PALS2: variants seen among roughly 807,000 people sequenced by gnomAD.
The protein encoded by PALS2 is protein associated with LIN7 2, MAGUK p55 family member.
PALS2 carries 27 observed loss-of-function variants against 61.6 expected under a neutral mutation model. The observed-to-expected ratio is 0.44, with a 90% confidence interval of 0.32 to 0.60. The LOEUF is 0.60. PALS2 is among the 20% of genes least tolerant of loss of function. The pLI, the probability that PALS2 is intolerant of heterozygous loss-of-function variation, is 0.05. For synonymous variants in PALS2, 236 were observed against 218.6 expected, an observed-to-expected ratio of 1.08 and a Z score of -0.70; for missense variants, 554 against 639.4, an observed-to-expected ratio of 0.87 and a Z score of 1.44.
At position 24,605,633 on chromosome 7, in the gene PALS2, G is replaced by T. The variant is rs141226042; in HGVS notation, c.-2-18033G>T. Among the ~76,000 whole-genome samples the T allele has an allele frequency of 2.7e-4, 41 of 152,056 alleles. No homozygotes were observed. The East Asian group carries it at 7.2e-3, about 27-fold the overall frequency. The stretch of plus-strand genomic sequence containing the variant: ...AGGTCTATAAAGACATAAAGAATAG[G>T]TCTATAAACACATAAAAACAAAGTA... On this transcript the variant is annotated intron_variant, in intron 1 of 11. Transcript: ENST00000222644.
intron 9 of PALS2, among the ~76,000 whole-genome samples, chr7:24,669,533 T>C (rs1787194763): frequency 6.6e-6 from 1 of 152,250 alleles, no homozygotes; most frequent in African/African-American, 2.4e-5. Context: ...GCTGTGCTTC[T>C]ATTTCTGACC....
At chr7:24,578,103 G>A (rs1172611040) in intron 1 of PALS2, among the ~76,000 whole-genome samples, 1 of 151,532 alleles carries the variant, frequency 6.6e-6, no homozygotes, top group Non-Finnish European at 1.5e-5. Flanking sequence ...CTACCATGCC[G>A]AGCTAATTAA....
intron 2 of PALS2, among the ~76,000 whole-genome samples, chr7:24,625,534 A>G (rs1784703145): frequency 6.6e-6 from 1 of 152,224 alleles, no homozygotes; most frequent in Non-Finnish European, 1.5e-5. Context: ...GATGAGGTTT[A>G]GGCCATGTGT....
Position 24,616,518 on chromosome 7 carries a change from CTT to C in PALS2, c.-2-7143_-2-7142del, listed in dbSNP as rs201976772. On this transcript the variant is annotated intron_variant, in intron 1 of 11. Transcript: ENST00000222644. ...TTTGGTTTTCATTTACATGGAATAT[CTT>C]TTTTCATCTCTTTGCTTTCCCTCTG... 3.1e-3 allele frequency among the ~76,000 whole-genome samples: 468 copies of C among 152,150 alleles called. 7 individuals carry two copies. The East Asian group carries it at 0.033, about 11-fold the overall frequency.
chr7:24,650,829 G>A (rs1786107559), intron 5 of PALS2, 117 bp downstream of exon 5: 1 of 748,294 alleles, frequency 1.3e-6, no homozygotes, highest in African/African-American at 1.8e-5. Context: ...ATTGATTTGA[G>A]TGTTCTGAAA....
intron 1 of PALS2, among the ~76,000 whole-genome samples, chr7:24,597,703 A>G (rs778766522): frequency 3.9e-5 from 6 of 152,182 alleles, no homozygotes; most frequent in Non-Finnish European, 7.3e-5. Context: ...GAGGAAGGGC[A>G]TACTTTCTCC....
chr7:24,658,094 G>A (rs1678883238), intron 5 of PALS2, among the ~76,000 whole-genome samples: 1 of 152,246 alleles, frequency 6.6e-6, no homozygotes, highest in East Asian at 1.9e-4. Context: ...ATGGGTCACT[G>A]ATTAGTTCAT....
chr7:24,606,298 A>G lies in PALS2; in HGVS notation c.-2-17368A>G, dbSNP rs7797760. Among the ~76,000 whole-genome samples, 234 of 152,296 alleles carry G rather than the reference A, an allele frequency of 1.5e-3. 1 individual carries two copies. Among genetic ancestry groups the G allele is most frequent in the African/African-American group, 5.3e-3 (221 of 41,568 alleles). ...CTAATTACAACCTTCATAGATTGTA[A>G]AAAGGAAACAGACTCCAAGACACTG... On this transcript the variant is annotated intron_variant, in intron 1 of 11. Coordinates refer to ENST00000222644, the MANE Select transcript of PALS2 (RefSeq NM_001303037.2).
At chr7:24,668,421 A>G (rs1207980021) in intron 8 of PALS2, 78 bp from the exon 9 acceptor site, 3 of 1,346,864 alleles carry the variant, frequency 2.2e-6, no homozygotes, top group Non-Finnish European at 3.1e-6. Flanking sequence ...CAGCTAAGCC[A>G]TTACTAGACA....
intron 5 of PALS2, among the ~76,000 whole-genome samples, chr7:24,660,860 A>G (rs1699095398): frequency 6.6e-6 from 1 of 152,210 alleles, no homozygotes; most frequent in African/African-American, 2.4e-5. Flanking sequence ...CTATTAACCC[A>G]CAGTTCTTTT....
At chr7:24,672,100 A>G (rs62449814) in intron 9 of PALS2, among the ~76,000 whole-genome samples, 93 of 150,464 alleles carry the variant, frequency 6.2e-4, no homozygotes, top group Non-Finnish European at 1.1e-3. Flanking sequence ...AAGAGGGATT[A>G]TATTGAATTC....
At chr7:24,611,261 A>G (rs1373930421) in intron 1 of PALS2, among the ~76,000 whole-genome samples, 1 of 152,108 alleles carries the variant, frequency 6.6e-6, no homozygotes, top group Non-Finnish European at 1.5e-5. Context: ...AGGAAGTATT[A>G]CCGTAAAAGC....
chr7:24,669,461 A>G (rs1474301056), intron 9 of PALS2, among the ~76,000 whole-genome samples: 2 of 152,208 alleles, frequency 1.3e-5, no homozygotes, highest in South Asian at 2.1e-4. Flanking sequence ...TTACTTGTGA[A>G]CTTAGATGTT....
chr7:24,579,766 A>G (rs1305144462), intron 1 of PALS2, among the ~76,000 whole-genome samples: 1 of 152,228 alleles, frequency 6.6e-6, no homozygotes, highest in Non-Finnish European at 1.5e-5. Context: ...AATCTTTTAT[A>G]AAAAGTGATT....
Position 24,578,838 on chromosome 7 carries a change from G to A in PALS2, c.-3+5245G>A, listed in dbSNP as rs566043063. The stretch of plus-strand genomic sequence containing the variant: ...CTTATTCATCTGCTGCAAAACACTC[G>A]TCTCTCCTCTTTTTAAATTTGATCT... On this transcript the variant is annotated intron_variant, in intron 1 of 11. Coordinates refer to ENST00000222644, the MANE Select transcript of PALS2 (RefSeq NM_001303037.2). 5.9e-5 allele frequency among the ~76,000 whole-genome samples: 9 copies of A among 152,232 alleles called. No individual in the cohort carries two copies. In the South Asian group the frequency reaches 1.9e-3, roughly 32 times the overall value.
chr7:24,644,804 A>G (rs962653724), intron 3 of PALS2, among the ~76,000 whole-genome samples: 4 of 151,940 alleles, frequency 2.6e-5, no homozygotes, highest in South Asian at 4.2e-4. Flanking sequence ...CCTTAACAGC[A>G]TCTGGTATTT....
chr7:24,640,409 A>G (rs546661194), intron 2 of PALS2, among the ~76,000 whole-genome samples: 6 of 152,166 alleles, frequency 3.9e-5, no homozygotes, highest in Non-Finnish European at 7.3e-5. Flanking sequence ...GATCCACTCT[A>G]TGGTAAAAAT....
chr7:24,621,792 A>T (rs1784532762), intron 1 of PALS2, among the ~76,000 whole-genome samples: 1 of 152,018 alleles, frequency 6.6e-6, no homozygotes, highest in Non-Finnish European at 1.5e-5. Context: ...ATTAAAAACG[A>T]CTTCTGTATT....
At chr7:24,612,979 A>G (rs1237324602) in intron 1 of PALS2, among the ~76,000 whole-genome samples, 1 of 151,760 alleles carries the variant, frequency 6.6e-6, no homozygotes, top group Non-Finnish European at 1.5e-5. Flanking sequence ...TTCTGTTTTT[A>G]CTAAGGTAAG....
Sources: allele counts gnomAD v4.1 joint callset (sites outside exome capture counted in the v4.1 genomes callset), GRCh38; gene constraint gnomAD v4.1.1; transcripts MANE v1.5; gene names NCBI Gene and HGNC (gene_info 2026-07-23, HGNC 2026-07-21).